Variants in NPEPPS observed in about 807,000 individuals in gnomAD.
NPEPPS encodes the protein aminopeptidase puromycin sensitive.
Under a neutral mutation model 115.5 loss-of-function variants are expected in NPEPPS, and 14 were observed. The observed-to-expected ratio is 0.12, with a 90% CI of 0.08 to 0.19. The LOEUF (loss-of-function observed/expected upper bound fraction) is 0.19, where lower values mean the gene tolerates loss of function less well. Ranked by LOEUF, NPEPPS falls within the 10% of genes least tolerant of loss-of-function variation. NPEPPS has a pLI of 1.00. For missense variants in NPEPPS, 523 were observed against 1,110.8 expected (o/e 0.47, Z 7.52); for synonymous variants, 285 against 390.6 (o/e 0.73, Z 3.19).
intron 5 of NPEPPS, among the ~76,000 whole-genome samples, chr17:47,584,294 C>G (rs537911505): frequency 6.0e-5 from 9 of 151,218 alleles, no homozygotes; most frequent in Non-Finnish European, 1.3e-4. Context: ...TAAAAAAATT[C>G]AAAAGATGTA....
At chr17:47,557,721 C>CT (rs1343560493) in intron 2 of NPEPPS, among the ~76,000 whole-genome samples, 3 of 148,794 alleles carry the variant, frequency 2.0e-5, no homozygotes, top group African/African-American at 7.3e-5. Context: ...GCTGCTGCTT[C>CT]TTTCCTATTT....
chr17:47,593,092 T>A (rs1912616095), intron 12 of NPEPPS, among the ~76,000 whole-genome samples: 1 of 152,322 alleles, frequency 6.6e-6, no homozygotes, highest in East Asian at 1.9e-4. Flanking sequence ...GTAAGTATAA[T>A]GCAAATATTC....
At chr17:47,556,764 C>T (rs1910068511) in intron 2 of NPEPPS, among the ~76,000 whole-genome samples, 1 of 152,200 alleles carries the variant, frequency 6.6e-6, no homozygotes, top group Non-Finnish European at 1.5e-5. Context: ...TTGCCTCTGC[C>T]TCCCAAGTAG....
chr17:47,547,991 A>G (rs1909348371), intron 2 of NPEPPS, among the ~76,000 whole-genome samples: 1 of 152,182 alleles, frequency 6.6e-6, no homozygotes, highest in African/African-American at 2.4e-5. Context: ...GCGCCACTGC[A>G]CTCCAGCCTG....
At chr17:47,542,257 G>A (rs1908818820) in intron 1 of NPEPPS, among the ~76,000 whole-genome samples, 1 of 152,012 alleles carries the variant, frequency 6.6e-6, no homozygotes, top group African/African-American at 2.4e-5. Flanking sequence ...AAAAAAATTG[G>A]AAGATCAGGC....
chr17:47,569,492 C>T lies in NPEPPS; in HGVS notation c.416C>T (p.Thr139Ile), dbSNP rs1238133898. The T allele has an allele frequency of 1.1e-5, 14 of 1,329,216 alleles. No homozygotes were observed. Among genetic ancestry groups the T allele is most frequent in the Non-Finnish European group, 1.5e-5 (14 of 928,660 alleles). 82.3% of individuals were successfully genotyped at this position (1,329,216 alleles called of 1,614,324 possible). The change falls in exon 3 of 23, where the codon ACA (threonine) becomes ATA (isoleucine). Residue 139 changes from threonine (T) to isoleucine (I), a missense_variant and splice_region_variant. By Grantham distance (89) the Thr-to-Ile change is moderately conservative (BLOSUM62 -1). Transcript: ENST00000322157. ...VTLSFPSTLQ[T>I]GTGTLKIDFV... is the part of the protein sequence containing the mutation. ...TTGTCTTTCCCTAGTACTCTGCAAA[C>T]AGGTAAGAGACATAGCTTTTGTAAA...
At chr17:47,541,452 C>T (rs907058276) in intron 1 of NPEPPS, among the ~76,000 whole-genome samples, 4 of 151,826 alleles carry the variant, frequency 2.6e-5, no homozygotes, top group Admixed American at 2.6e-4. Context: ...TTTCGGCTCA[C>T]TGCAACCTCC....
rs1011508541 is a variant in NPEPPS, at chr17:47,601,694, A to C, written c.1687A>C (p.Lys563Gln). Residue 563 changes from lysine to glutamine, a missense_variant, in exon 15 of 23, where the codon AAG becomes CAG. By Grantham distance (53) the Lys-to-Gln change is moderately conservative. Coordinates refer to ENST00000322157, the MANE Select transcript of NPEPPS (RefSeq NM_006310.4). ...NQAKLKILMD[K>Q]PEMNVVLKNV... ...GGCCAAACTAAAAATTCTAATGGAC[A>C]AGCCAGAGATGAATGTGGTTTTGAA... The C allele has an allele frequency of 3.7e-6, 6 of 1,613,350 alleles. No homozygotes were observed. The highest frequency in any genetic ancestry group is 5.1e-6 in the Non-Finnish European group (6 of 1,179,718).
At chr17:47,541,011 T>C (rs2143692849) in intron 1 of NPEPPS, among the ~76,000 whole-genome samples, 1 of 152,326 alleles carries the variant, frequency 6.6e-6, no homozygotes, top group East Asian at 1.9e-4. Flanking sequence ...TTCATTAGTA[T>C]AAATAGATGA....
At chr17:47,605,684 G>C (rs185293417) in intron 17 of NPEPPS, 132 bp downstream of exon 17, 1 of 652,210 alleles carries the variant, frequency 1.5e-6, no homozygotes, top group South Asian at 2.0e-5. Context: ...AAATTAAGAC[G>C]TGAGTCTTTT....
At position 47,596,472 on chromosome 17, in the gene NPEPPS, T is replaced by C. The variant is rs1567863808; in HGVS notation, c.1536+10T>C. The C allele has an allele frequency of 4.6e-6, 7 of 1,507,838 alleles. No individual in the cohort carries two copies. Among genetic ancestry groups the C allele is most frequent in the Middle Eastern group, 1.7e-4 (1 of 5,892 alleles). 93.4% of individuals were successfully genotyped at this position (1,507,838 alleles called of 1,614,324 possible). On this transcript the variant is annotated intron_variant, in intron 13 of 22. Transcript: ENST00000322157. ...TGTGGAAGCTGAACAGGTAAACATA[T>C]AAAGTCTTTCCATTTGTCTGATATT...
intron 13 of NPEPPS, among the ~76,000 whole-genome samples, chr17:47,598,316 T>TAA (rs201585783): frequency 6.6e-6 from 1 of 151,290 alleles, no homozygotes; most frequent in Non-Finnish European, 1.5e-5. Context: ...CTACTAAAAG[T>TAA]AAAAAAAACT....
intron 16 of NPEPPS, among the ~76,000 whole-genome samples, chr17:47,604,938 C>T (rs973511069): frequency 6.6e-6 from 1 of 152,188 alleles, no homozygotes; most frequent in African/African-American, 2.4e-5. Context: ...AAAACCAAAG[C>T]TCAAACTATT....
intron 3 of NPEPPS, among the ~76,000 whole-genome samples, chr17:47,575,097 A>G (rs2143819957): frequency 6.6e-6 from 1 of 152,354 alleles, no homozygotes; most frequent in Non-Finnish European, 1.5e-5. Flanking sequence ...AAATATTTCA[A>G]AAACATAGTA....
intron 17 of NPEPPS, 68 bp from the exon 18 acceptor site, chr17:47,612,392 T>G (rs145372019): frequency 3.9e-6 from 6 of 1,532,268 alleles, no homozygotes; most frequent in Non-Finnish European, 5.4e-6. Context: ...TTATAAGATA[T>G]CCAAATGGCA....
At chr17:47,597,037 G>A (rs1218763207) in intron 13 of NPEPPS, among the ~76,000 whole-genome samples, 1 of 133,658 alleles carries the variant, frequency 7.5e-6, no homozygotes, top group Non-Finnish European at 1.6e-5. Context: ...AACAGAGCGA[G>A]ACTTCGTCTC....
At chr17:47,561,154 A>C (rs1270466247) in intron 2 of NPEPPS, among the ~76,000 whole-genome samples, 1 of 152,094 alleles carries the variant, frequency 6.6e-6, no homozygotes, top group East Asian at 1.9e-4. Context: ...GTGGCCTCAG[A>C]ATACCATCTT....
rs192955000 is a variant in NPEPPS, at chr17:47,619,584, C to G, written c.2560-153C>G. 9.8e-5 allele frequency: 66 copies of G among 675,728 alleles called. No individual in the cohort carries two copies. The African/African-American group carries it at 1.1e-3, about 11-fold the overall frequency. The allele number at this position is 675,728 out of a possible 1,614,324, so 41.9% of individuals were successfully genotyped here. A position where few individuals can be genotyped will look rare whatever the true frequency, so the allele number is the denominator to read the frequency against. On this transcript the variant is annotated intron_variant, in intron 21 of 22. Coordinates refer to ENST00000322157, the MANE Select transcript of NPEPPS (RefSeq NM_006310.4). ...AAAAAAAAGTTTCCTTAAATAGTTA[C>G]TGGCTTTATTTAAGGACTTCTCCAT...
rs577739596 is a variant in NPEPPS, at chr17:47,613,350, T to TCA, written c.2239-317_2239-316dup. Among the ~76,000 whole-genome samples the TCA allele has an allele frequency of 9.5e-5, 14 of 147,246 alleles. No individual in the cohort carries two copies. In the East Asian group the frequency reaches 2.8e-3, roughly 30 times the overall value. ...GTGTGATCTCGGCTCACTGTAGCCT[T>TCA]CACCTCCTGGGTTCAAGCAGTTCTC... On this transcript the variant is annotated intron_variant, in intron 18 of 22. Transcript: ENST00000322157.
Sources: gnomAD v4.1 joint callset for allele counts (sites outside exome capture counted in the v4.1 genomes callset) on GRCh38, gnomAD v4.1.1 for gene constraint, MANE v1.5 for transcripts, NCBI Gene and HGNC (gene_info 2026-07-23, HGNC 2026-07-21) for gene names.